CCDC39: variants seen among roughly 807,000 people sequenced by gnomAD.
The protein encoded by CCDC39 is coiled-coil domain 39 molecular ruler complex subunit.
Under a neutral mutation model 121.0 loss-of-function variants are expected in CCDC39, and 113 were observed. The observed-to-expected ratio is 0.93, with a 90% CI of 0.80 to 1.09. CCDC39 has a LOEUF of 1.09. Ranked by LOEUF, CCDC39 falls within the 50% of genes least tolerant of loss-of-function variation. The pLI is 0.00. For synonymous variants in CCDC39, 349 were observed against 352.2 expected, an observed-to-expected ratio of 0.99 and a Z score of 0.10; for missense variants, 1,063 against 1,074.7, an observed-to-expected ratio of 0.99 and a Z score of 0.15.
At chr3:180,617,279 A>G in intron 16 of CCDC39, 2 of 469,534 alleles carry the variant, frequency 4.3e-6, no homozygotes, top group Non-Finnish European at 7.5e-6. Context: ...ATAAAAGTCT[A>G]GCACATACAA....
intron 7 of CCDC39, among the ~76,000 whole-genome samples, chr3:180,654,221 C>CAAAAAAA (rs76424115): frequency 9.4e-4 from 42 of 44,892 alleles, no homozygotes; most frequent in East Asian, 7.2e-3. Context: ...TAGCCACACG[C>CAAAAAAA]AAAAAAAAAA....
Position 180,654,893 on chromosome 3 carries a change from T to A in CCDC39, c.799A>T (p.Lys267Ter). The part of the protein sequence containing the change: ...EKENLVKEKI[K>*]FLESEIGNNT... ...TTCCCAATCTCACTTTCCAAAAACT[T>A]GATCTTTTCTTTAACCAAATTTTCT... The change falls in exon 7 of 20, where the codon AAG (lysine) becomes TAG (stop). Residue 267 changes from lysine (K) to a stop codon, truncating the protein, a stop_gained. Coordinates refer to ENST00000476379, the MANE Select transcript of CCDC39 (RefSeq NM_181426.2). LOFTEE classifies it high-confidence loss of function. 1.3e-6 allele frequency: 2 copies of A among 1,592,390 alleles called. No homozygotes were observed. The highest frequency in any genetic ancestry group is 1.7e-6 in the Non-Finnish European group (2 of 1,172,276).
rs1279131387 is a variant in CCDC39, at chr3:180,619,366, C to T, written c.2159-1G>A. ...TGAATTTTTAGCTCATACTCATCAC[C>T]TGAAATGTAGAACATTTTTAGTTTA... On this transcript the variant is annotated splice_acceptor_variant, in intron 15 of 19. Transcript: ENST00000476379. LOFTEE classifies it high-confidence loss of function. The T allele has an allele frequency of 1.4e-6, 2 of 1,403,140 alleles. No individual in the cohort carries two copies. Among genetic ancestry groups the T allele is most frequent in the Non-Finnish European group, 2.0e-6 (2 of 1,020,036 alleles). 86.9% of individuals were successfully genotyped at this position (1,403,140 alleles called of 1,614,324 possible). A position where few individuals can be genotyped will look rare whatever the true frequency, so the allele number is the denominator to read the frequency against.
intron 9 of CCDC39, among the ~76,000 whole-genome samples, chr3:180,650,138 T>TA (rs1433918810): frequency 1.1e-4 from 17 of 152,254 alleles, no homozygotes; most frequent in Admixed American, 3.3e-4. Context: ...AGGTCACACT[T>TA]ATAGTTCACA....
At chr3:180,644,713 G>T (rs975554470) in intron 11 of CCDC39, among the ~76,000 whole-genome samples, 1 of 152,152 alleles carries the variant, frequency 6.6e-6, no homozygotes, top group Non-Finnish European at 1.5e-5. Flanking sequence ...AAATGTAAAT[G>T]TTATATAAAT....
chr3:180,632,496 G>A (rs1717723894), intron 13 of CCDC39, among the ~76,000 whole-genome samples: 1 of 151,978 alleles, frequency 6.6e-6, no homozygotes, highest in Middle Eastern at 3.2e-3. Context: ...ATAAGTTACA[G>A]TTTTTCTTAT....
At chr3:180,640,536 TGTG>T (rs1407616361) in intron 13 of CCDC39, among the ~76,000 whole-genome samples, 1 of 152,054 alleles carries the variant, frequency 6.6e-6, no homozygotes, top group Non-Finnish European at 1.5e-5. Flanking sequence ...CTGATTAACT[TGTG>T]GTGAGAATTA....
chr3:180,641,655 A>G (rs1717956952), intron 13 of CCDC39, among the ~76,000 whole-genome samples: 2 of 152,154 alleles, frequency 1.3e-5, no homozygotes, highest in Admixed American at 1.3e-4. Flanking sequence ...GCCAGAAATA[A>G]TCTTATAAAA....
At chr3:180,662,061 T>A (rs1711756532) in intron 2 of CCDC39, 54 bp from the exon 3 acceptor site, 1 of 1,450,752 alleles carries the variant, frequency 6.9e-7, no homozygotes, top group African/African-American at 1.4e-5. Flanking sequence ...AAATTTTGAA[T>A]ACAAATATTT....
intron 14 of CCDC39, among the ~76,000 whole-genome samples, chr3:180,625,152 T>C (rs1370066865): frequency 6.6e-6 from 1 of 152,126 alleles, no homozygotes; most frequent in Non-Finnish European, 1.5e-5. Flanking sequence ...CCCTCAGGCA[T>C]AACTGATAAT....
At chr3:180,635,698 C>G (rs927876323) in intron 13 of CCDC39, among the ~76,000 whole-genome samples, 4 of 152,170 alleles carry the variant, frequency 2.6e-5, no homozygotes, top group Non-Finnish European at 1.5e-5. Flanking sequence ...TAGCTCTGCC[C>G]CTGTGGCTTT....
Position 180,614,263 on chromosome 3 carries a change from A to T in CCDC39, c.*658T>A, listed in dbSNP as rs1717132251. ...GGCTGTATCTGAAAGCAAATCTTTAATGCGTTTATTTCAAGGTCAGAAGTG... is the reference window on the plus strand; with the variant it reads ...GGCTGTATCTGAAAGCAAATCTTTATTGCGTTTATTTCAAGGTCAGAAGTG... On this transcript the variant is annotated 3_prime_UTR_variant, in exon 20 of 20. Transcript: ENST00000476379. The T allele has an allele frequency of 6.4e-6, 1 of 156,768 alleles. No homozygotes were observed. 9.7% of individuals were successfully genotyped at this position (156,768 alleles called of 1,614,324 possible).
intron 6 of CCDC39, among the ~76,000 whole-genome samples, chr3:180,657,819 T>C (rs1292332658): frequency 6.6e-6 from 1 of 152,216 alleles, no homozygotes; most frequent in African/African-American, 2.4e-5. Context: ...CTTGAATCTA[T>C]ACTCCCAGGT....
chr3:180,634,331 C>G, intron 13 of CCDC39, among the ~76,000 whole-genome samples: 1 of 152,178 alleles, frequency 6.6e-6, no homozygotes, highest in East Asian at 1.9e-4. Context: ...TTGCAACAAG[C>G]TGCAATCCAC....
In CCDC39 at chr3:180,678,549, G is replaced by T. The variant is rs185435493; in HGVS notation, c.90+742C>A. 2.0e-5 allele frequency among the ~76,000 whole-genome samples: 3 copies of T among 151,738 alleles called. No homozygotes were observed. In the East Asian group the frequency reaches 5.8e-4, roughly 29 times the overall value. ...ACGCGGTGGGAGGGGTTTGTGGGGG[G>T]TCTCGCTTTGTTGTTCAAGCTTGTT... On this transcript the variant is annotated intron_variant, in intron 1 of 19. Coordinates refer to ENST00000476379, the MANE Select transcript of CCDC39 (RefSeq NM_181426.2).
At chr3:180,654,253 A>C (rs1307684754) in intron 7 of CCDC39, among the ~76,000 whole-genome samples, 3 of 150,860 alleles carry the variant, frequency 2.0e-5, no homozygotes, top group African/African-American at 7.3e-5. Context: ...GAGAGAAAGA[A>C]ATTGGGCTTT....
At chr3:180,619,464 G>A in intron 15 of CCDC39, 99 bp from the exon 16 acceptor site, 1 of 702,794 alleles carries the variant, frequency 1.4e-6, no homozygotes, top group Non-Finnish European at 2.4e-6. Context: ...TGTTATGAAA[G>A]TTTAAATTTT....
chr3:180,674,685 T>C (rs1213587156), intron 1 of CCDC39, among the ~76,000 whole-genome samples: 3 of 152,220 alleles, frequency 2.0e-5, no homozygotes, highest in Admixed American at 6.5e-5. Flanking sequence ...ATTTTTAGCA[T>C]GAATGGCTGT....
intron 13 of CCDC39, among the ~76,000 whole-genome samples, chr3:180,632,310 A>G (rs1717720009): frequency 6.6e-6 from 1 of 152,128 alleles, no homozygotes; most frequent in Non-Finnish European, 1.5e-5. Context: ...TTTATGAGCT[A>G]TTTTTTAGAA....
Sources: allele counts gnomAD v4.1 joint callset (sites outside exome capture counted in the v4.1 genomes callset), GRCh38; gene constraint gnomAD v4.1.1; transcripts MANE v1.5; gene names NCBI Gene and HGNC (gene_info 2026-07-23, HGNC 2026-07-21).